KRI1: variants seen among roughly 807,000 people sequenced by gnomAD.
The protein encoded by KRI1 is KRI1 homolog.
Under a neutral mutation model 97.0 loss-of-function variants are expected in KRI1, and 83 were observed. The ratio of observed to expected loss-of-function variants is 0.86; its 90% CI spans 0.72 to 1.03. The LOEUF (loss-of-function observed/expected upper bound fraction) is 1.03, where lower values mean the gene tolerates loss of function less well. Among genes scored for constraint, KRI1 ranks in the 50% least tolerant of loss-of-function variants. KRI1 has a pLI of 0.00. For missense variants in KRI1, 916 were observed against 928.4 expected (o/e 0.99, Z 0.17); for synonymous variants, 371 against 363.5 (o/e 1.02, Z -0.23).
At chr19:10,561,396 G>T in intron 6 of KRI1, 131 bp from the exon 7 acceptor site, 1 of 895,426 alleles carries the variant, frequency 1.1e-6, no homozygotes, top group Non-Finnish European at 1.7e-6. Flanking sequence ...CTGGGCTCAA[G>T]TGATCCTCCC....
At chr19:10,560,057 G>A (rs1916645599) in intron 9 of KRI1, 121 bp from the exon 10 acceptor site, 2 of 1,295,830 alleles carry the variant, frequency 1.5e-6, no homozygotes, top group East Asian at 2.5e-5. Context: ...CCTACAAGGT[G>A]CACGCTGCTA....
Position 10,553,995 on chromosome 19 carries a change from C to T in KRI1, c.2068G>A (p.Gly690Ser). The T allele has an allele frequency of 6.2e-7, 1 of 1,612,554 alleles. No homozygotes were observed. The highest frequency in any genetic ancestry group is 8.5e-7 in the Non-Finnish European group (1 of 1,179,138). Residue 690 changes from glycine (G) to serine (S), a missense_variant, in exon 19 of 19, where the codon GGC (glycine) becomes AGC (serine). By Grantham distance (56) the Gly-to-Ser change is moderately conservative (BLOSUM62 0). Transcript: ENST00000312962. ...CCCTGTTGTTTCCTCCGCTGCCGGCCCAGCTGGCGGAAGTGCAGCCGTTTG... is the reference window on the plus strand; with the variant it reads ...CCCTGTTGTTTCCTCCGCTGCCGGCTCAGCTGGCGGAAGTGCAGCCGTTTG... ...NPKRLHFRQL[G>S]RQRRKQQGPK...
At chr19:10,563,691 T>G (rs913211893) in intron 3 of KRI1, among the ~76,000 whole-genome samples, 10 of 152,114 alleles carry the variant, frequency 6.6e-5, no homozygotes, top group African/African-American at 2.4e-4. Flanking sequence ...GGAGTCTTAC[T>G]CTTGCTCAGG....
chr19:10,557,823 GCTT>G lies in KRI1; in HGVS notation c.1429_1431del (p.Lys477del), dbSNP rs770942547. The G allele has an allele frequency of 6.8e-6, 11 of 1,613,286 alleles. No homozygotes were observed. Among genetic ancestry groups the G allele is most frequent in the African/African-American group, 5.3e-5 (4 of 74,924 alleles). On this transcript the variant is annotated inframe_deletion, in exon 15 of 19. Coordinates refer to ENST00000312962, the MANE Select transcript of KRI1 (RefSeq NM_023008.5). ...ACGGCCGCGGCGAAGGGCGACTTGC[GCTT>G]CTTCTTGCCCGTCAAGGGGGCCTCG...
intron 2 of KRI1, chr19:10,565,404 G>A: frequency 2.0e-6 from 1 of 511,128 alleles, no homozygotes; most frequent in South Asian, 2.5e-5. Context: ...CCCACGTGGC[G>A]CAAGGAGTAC....
rs1489768118 is a variant in KRI1, at chr19:10,555,087, T to C, written c.1781A>G (p.Glu594Gly). 2 of 1,613,640 alleles carry C rather than the reference T, an allele frequency of 1.2e-6. No individual in the cohort carries two copies. Among genetic ancestry groups the C allele is most frequent in the African/African-American group, 2.7e-5 (2 of 75,036 alleles). The change falls in exon 18 of 19, where the codon GAG becomes GGG. Residue 594 changes from glutamate to glycine, a missense_variant and splice_region_variant. By Grantham distance (98) the Glu-to-Gly change is moderately conservative. This residue lies in a region of KRI1 where 672 missense variants were observed against 667.2 expected (regional missense o/e 1.01). Transcript: ENST00000312962. ...RQVFKSLCRE[E>G]AETPAEATGK... The stretch of plus-strand genomic sequence containing the variant: ...CGCTTCCCCAGCCAGCACTGCTTAC[T>C]CTTCTCGGCAGAGTGACTTGAAGAC...
In KRI1 at chr19:10,565,073, G is replaced by A; in HGVS notation, c.169-39C>T. ...AGGGTTGGGGATAGATTTCAGAAGG[G>A]AGATAATAAGAGCCCTGGCGCCAGC... On this transcript the variant is annotated intron_variant, in intron 2 of 18. Transcript: ENST00000312962. 8 of 1,304,592 alleles carry A rather than the reference G, an allele frequency of 6.1e-6. 1 individual carries two copies. The South Asian group carries it at 8.2e-5, about 13-fold the overall frequency. The allele number at this position is 1,304,592 out of a possible 1,614,324, so 80.8% of individuals were successfully genotyped here. A position where few individuals can be genotyped will look rare whatever the true frequency, so the allele number is the denominator to read the frequency against.
At chr19:10,557,249 C>CAT (rs1568421358) in intron 16 of KRI1, among the ~76,000 whole-genome samples, 2 of 151,518 alleles carry the variant, frequency 1.3e-5, no homozygotes, top group African/African-American at 4.8e-5. Context: ...GGACTACAGG[C>CAT]GCCTGCCACC....
intron 9 of KRI1, 85 bp downstream of exon 9, chr19:10,560,223 GGTGC>G (rs1464614009): frequency 6.8e-7 from 1 of 1,470,626 alleles, no homozygotes; most frequent in East Asian, 2.4e-5. Context: ...ATACACACAT[GGTGC>G]CCTCTGCCTC....
chr19:10,562,837 G>A lies in KRI1; in HGVS notation c.275C>T (p.Ala92Val), dbSNP rs749258888. ...QKDATFYNRT[A>V]SSSDSEEDPE... Reference sequence around the variant, plus strand: ...GTCCTCCTCACTGTCTGATGACGATGCTGTTAACCCACCAAAGACACCTGC... The same window carrying A: ...GTCCTCCTCACTGTCTGATGACGATACTGTTAACCCACCAAAGACACCTGC... Residue 92 changes from alanine (A) to valine (V), a missense_variant and splice_region_variant, in exon 4 of 19, where the codon GCA (alanine) becomes GTA (valine). Physicochemically the swap from Ala to Val is moderately conservative, Grantham distance 64. Coordinates refer to ENST00000312962, the MANE Select transcript of KRI1 (RefSeq NM_023008.5). The A allele has an allele frequency of 1.3e-5, 20 of 1,596,806 alleles. No homozygotes were observed. Among genetic ancestry groups the A allele is most frequent in the Non-Finnish European group, 1.7e-5 (20 of 1,164,402 alleles).
At position 10,557,914 on chromosome 19, in the gene KRI1, C is replaced by T. The variant is rs201401038; in HGVS notation, c.1360-19G>A. The T allele has an allele frequency of 7.6e-5, 122 of 1,613,684 alleles. No individual in the cohort carries two copies. The highest frequency in any genetic ancestry group is 9.9e-5 in the Non-Finnish European group (117 of 1,179,896). On this transcript the variant is annotated intron_variant, in intron 14 of 18. Coordinates refer to ENST00000312962, the MANE Select transcript of KRI1 (RefSeq NM_023008.5). ...CGTCCATCTGCCAGGACGCACAGGTCAGATCCCACCAGCCCCCCGTCAGGG... is the reference window on the plus strand; with the variant it reads ...CGTCCATCTGCCAGGACGCACAGGTTAGATCCCACCAGCCCCCCGTCAGGG...
chr19:10,555,547 G>A (rs1916480217), intron 16 of KRI1, among the ~76,000 whole-genome samples, 198 bp from the exon 17 acceptor site: 1 of 152,238 alleles, frequency 6.6e-6, no homozygotes, highest in African/African-American at 2.4e-5. Flanking sequence ...GAGGCTCAGA[G>A]AACGGATCCT....
chr19:10,561,276 G>C lies in KRI1; in HGVS notation c.489-11C>G, dbSNP rs775094258. 6.2e-7 allele frequency: 1 copy of C among 1,613,226 alleles called. No individual in the cohort carries two copies. The highest frequency in any genetic ancestry group is 8.5e-7 in the Non-Finnish European group (1 of 1,179,370). Reference sequence around the variant, plus strand: ...ACAAATGCCCGGAAGCTGCCCACGAGAGAAAACAAGCCTCAGGACAGGCAG... The same window carrying C: ...ACAAATGCCCGGAAGCTGCCCACGACAGAAAACAAGCCTCAGGACAGGCAG... On this transcript the variant is annotated splice_polypyrimidine_tract_variant and intron_variant, in intron 6 of 18. Transcript: ENST00000312962.
At chr19:10,558,938 CT>C (rs1916604680) in intron 12 of KRI1, among the ~76,000 whole-genome samples, 1 of 151,892 alleles carries the variant, frequency 6.6e-6, no homozygotes, top group African/African-American at 2.4e-5. Context: ...ATCTCCTGAC[CT>C]CGTGATCCGC....
chr19:10,555,972 T>C (rs541228439), intron 16 of KRI1, among the ~76,000 whole-genome samples: 2 of 152,140 alleles, frequency 1.3e-5, no homozygotes, highest in Non-Finnish European at 2.9e-5. Flanking sequence ...ACTTTACAGA[T>C]GGGGAGTTGA....
At chr19:10,565,666 G>A (rs140326356) in intron 2 of KRI1, 51 bp downstream of exon 2, 25,156 of 1,525,122 alleles carry the variant, frequency 0.016, 262 homozygotes, top group South Asian at 0.023. Flanking sequence ...TCGGGGTGCA[G>A]AGGGGGGCTT....
rs1260260070 is a variant in KRI1 at position 10,562,748 on chromosome 19, C to T, written c.364G>A (p.Val122Ile). ...PMYLKDYERK[V>I]ILEKAGKYVD... The stretch of plus-strand genomic sequence containing the variant: ...CCATACCCTGCCTTCTCCAAGATAA[C>T]CTTCCTCTCGTAGTCCTTCAGGTAC... The change falls in exon 4 of 19, where the codon GTT becomes ATT. Residue 122 changes from valine to isoleucine, a missense_variant. Transcript: ENST00000312962. 7 of 1,606,184 alleles carry T rather than the reference C, an allele frequency of 4.4e-6. No homozygotes were observed. Among genetic ancestry groups the T allele is most frequent in the Non-Finnish European group, 6.0e-6 (7 of 1,172,768 alleles).
Position 10,557,834 on chromosome 19 carries a change from C to A in KRI1, c.1421G>T (p.Gly474Val). 1.2e-6 allele frequency: 2 copies of A among 1,613,518 alleles called. No homozygotes were observed. The highest frequency in any genetic ancestry group is 1.7e-6 in the Non-Finnish European group (2 of 1,179,968). Residue 474 changes from glycine to valine, a missense_variant, in exon 15 of 19, where the codon GGC becomes GTC. Physicochemically the swap from Gly to Val is moderately radical, Grantham distance 109. This residue lies in a region of KRI1 where 672 missense variants were observed against 667.2 expected (regional missense o/e 1.01). Transcript: ENST00000312962. ...GAAGGGCGACTTGCGCTTCTTCTTG[C>A]CCGTCAAGGGGGCCTCGCGCTTTTT... ...RKKKREAPLTGKKKRKSPFAA... is the reference protein window; with the variant it reads ...RKKKREAPLTVKKKRKSPFAA...
intron 18 of KRI1, among the ~76,000 whole-genome samples, 195 bp downstream of exon 18, chr19:10,554,892 A>G (rs1916448994): frequency 6.6e-6 from 1 of 152,160 alleles, no homozygotes; most frequent in Non-Finnish European, 1.5e-5. Flanking sequence ...CCATCTTATG[A>G]GAAAGAGGCC....
Sources: allele counts gnomAD v4.1 joint callset (sites outside exome capture counted in the v4.1 genomes callset), GRCh38; gene constraint gnomAD v4.1.1; regional missense constraint gnomAD v4.1.1; transcripts MANE v1.5; gene names NCBI Gene and HGNC (gene_info 2026-07-23, HGNC 2026-07-21).